Variants in MCTP1 observed in about 807,000 individuals in gnomAD.
The protein encoded by MCTP1 is multiple C2 and transmembrane domain-containing protein 1.
A neutral mutation model predicts 120.6 loss-of-function variants in MCTP1; 69 were observed. That is an observed-to-expected ratio of 0.57 (90% CI 0.47 to 0.70). MCTP1 has a LOEUF of 0.70. Among genes scored for constraint, MCTP1 ranks in the 30% least tolerant of loss-of-function variants. The pLI is 0.00. For synonymous variants in MCTP1, 529 were observed against 493.1 expected, an observed-to-expected ratio of 1.07 and a Z score of -0.96; for missense variants, 1,203 against 1,248.8, an observed-to-expected ratio of 0.96 and a Z score of 0.55.
chr5:95,064,627 A>T (rs114084193), intron 1 of MCTP1, among the ~76,000 whole-genome samples: 38 of 152,324 alleles, frequency 2.5e-4, no homozygotes, highest in African/African-American at 8.4e-4. Flanking sequence ...AGGATATTTG[A>T]GGTCCACCAG....
intron 1 of MCTP1, among the ~76,000 whole-genome samples, chr5:95,135,587 G>A (rs1759390717): frequency 6.6e-6 from 1 of 152,196 alleles, no homozygotes; most frequent in Non-Finnish European, 1.5e-5. Context: ...AGAAAAACGT[G>A]AAGAAGCAAG....
chr5:94,789,750 T>C (rs1192520736), intron 18 of MCTP1: 1 of 152,204 alleles, frequency 6.6e-6, no homozygotes, highest in Non-Finnish European at 1.5e-5. Flanking sequence ...TATCAGTTGT[T>C]TGTTTCTCTC....
intron 1 of MCTP1, among the ~76,000 whole-genome samples, chr5:95,248,731 A>C (rs1757073982): frequency 6.6e-6 from 1 of 152,238 alleles, no homozygotes; most frequent in African/African-American, 2.4e-5. Context: ...AAGCAAAAAG[A>C]ACAAAGCTGG....
chr5:94,911,400 A>T (rs1808533952), intron 9 of MCTP1, among the ~76,000 whole-genome samples: 1 of 152,128 alleles, frequency 6.6e-6, no homozygotes, highest in Admixed American at 6.6e-5. Flanking sequence ...ATGTTGGAGG[A>T]GGGGCCTAGT....
At chr5:95,044,727 C>A (rs1238801991) in intron 1 of MCTP1, among the ~76,000 whole-genome samples, 1 of 151,898 alleles carries the variant, frequency 6.6e-6, no homozygotes, top group Non-Finnish European at 1.5e-5. Context: ...CCCCCTCAAC[C>A]TTCTCATGAG....
At chr5:95,115,444 A>G (rs918689384) in intron 1 of MCTP1, among the ~76,000 whole-genome samples, 2 of 151,350 alleles carry the variant, frequency 1.3e-5, no homozygotes, top group African/African-American at 4.9e-5. Flanking sequence ...AAAATAATTT[A>G]AAAGAATCAA....
chr5:94,983,715 G>A (rs962754010), intron 2 of MCTP1, among the ~76,000 whole-genome samples: 2 of 150,936 alleles, frequency 1.3e-5, no homozygotes, highest in Non-Finnish European at 2.9e-5. Context: ...CAACTAGAAA[G>A]TAATTCATTT....
At chr5:94,839,051 G>A (rs570541397) in intron 17 of MCTP1, among the ~76,000 whole-genome samples, 3 of 152,084 alleles carry the variant, frequency 2.0e-5, no homozygotes, top group East Asian at 1.9e-4. Flanking sequence ...GAATATCTAC[G>A]CTTTTTTGCT....
chr5:94,812,952 G>A (rs950231935), intron 17 of MCTP1, among the ~76,000 whole-genome samples: 17 of 151,778 alleles, frequency 1.1e-4, no homozygotes, highest in Non-Finnish European at 2.1e-4. Context: ...GTGTGCGTGC[G>A]TGTATATATA....
chr5:94,870,841 G>A (rs775813042), intron 15 of MCTP1, 31 bp downstream of exon 15: 82 of 1,366,646 alleles, frequency 6.0e-5, no homozygotes, highest in Non-Finnish European at 3.0e-5. Context: ...GAACTCTTTA[G>A]CAGTACAAAA....
chr5:94,850,975 AG>A (rs1402288694), intron 17 of MCTP1, among the ~76,000 whole-genome samples: 2 of 152,112 alleles, frequency 1.3e-5, no homozygotes, highest in African/African-American at 4.8e-5. Flanking sequence ...TTCAATATTT[AG>A]AGTAATTTAG....
intron 1 of MCTP1, among the ~76,000 whole-genome samples, chr5:95,161,118 T>C (rs770966042): frequency 1.3e-5 from 2 of 152,200 alleles, no homozygotes; most frequent in African/African-American, 2.4e-5. Context: ...CTGAAATCAG[T>C]ATGCTGAAGA....
At chr5:94,827,230 C>T (rs556419115) in intron 17 of MCTP1, among the ~76,000 whole-genome samples, 1 of 152,244 alleles carries the variant, frequency 6.6e-6, no homozygotes, top group Non-Finnish European at 1.5e-5. Context: ...ACTTATGAAG[C>T]TAAGTTTGGC....
intron 1 of MCTP1, among the ~76,000 whole-genome samples, chr5:95,050,286 G>A (rs754018422): frequency 1.1e-4 from 17 of 151,928 alleles, no homozygotes; most frequent in Admixed American, 3.3e-4. Flanking sequence ...TAAATAAAAC[G>A]TTTTTGTGTA....
intron 2 of MCTP1, among the ~76,000 whole-genome samples, chr5:94,990,196 G>A (rs1408506454): frequency 2.6e-5 from 4 of 152,158 alleles, no homozygotes; most frequent in Non-Finnish European, 4.4e-5. Flanking sequence ...TGTTAACACT[G>A]GGTAATTAGC....
intron 18 of MCTP1, chr5:94,789,380 A>G (rs181334789): frequency 3.3e-5 from 5 of 152,348 alleles, no homozygotes; most frequent in Admixed American, 3.3e-4. Context: ...TAAAAATAGA[A>G]GTGTTTCCTT....
At chr5:94,746,344 C>T (rs17083994) in intron 19 of MCTP1, among the ~76,000 whole-genome samples, 37,228 of 152,108 alleles carry the variant, frequency 0.24, 5,180 homozygotes, top group East Asian at 0.39. Context: ...TTTCCCCTCC[C>T]AGATTGAAGG....
At chr5:94,826,450 A>G (rs1787084864) in intron 17 of MCTP1, 1 of 680,648 alleles carries the variant, frequency 1.5e-6, no homozygotes, top group Non-Finnish European at 2.7e-6. Context: ...TTCTTCAGGA[A>G]CACAGAAGTG....
rs756132693 is a variant in MCTP1 at position 95,095,006 on chromosome 5, A to ATT, written c.721-77524_721-77523dup. Among the ~76,000 whole-genome samples, 61 of 36,966 alleles carry ATT rather than the reference A, an allele frequency of 1.7e-3. 9 individuals are homozygous for ATT. Among genetic ancestry groups the ATT allele is most frequent in the African/African-American group, 5.0e-3 (40 of 8,048 alleles). The allele number at this position is 36,966 out of a possible 152,430, so 24.3% of individuals were successfully genotyped here. A position where few individuals can be genotyped will look rare whatever the true frequency, so the allele number is the denominator to read the frequency against. ...TTTTTTCTTTTATTTGTTATGTTAG[A>ATT]TTTTTTTTTTTTTTTTTTTTTTTTT... On this transcript the variant is annotated intron_variant, in intron 1 of 22. Coordinates refer to ENST00000515393, the MANE Select transcript of MCTP1 (RefSeq NM_024717.7).
Sources: allele counts gnomAD v4.1 joint callset (sites outside exome capture counted in the v4.1 genomes callset), GRCh38; gene constraint gnomAD v4.1.1; transcripts MANE v1.5; gene names NCBI Gene and HGNC (gene_info 2026-07-23, HGNC 2026-07-21).